Variants in C8orf34 observed in about 807,000 individuals in gnomAD.
C8orf34 encodes the protein uncharacterized protein C8orf34.
C8orf34 carries 65 observed loss-of-function variants against 68.3 expected under a neutral mutation model. The observed-to-expected ratio is 0.95, with a 90% CI of 0.78 to 1.17. C8orf34 has a LOEUF of 1.17. C8orf34 is among the 50% of genes most tolerant of loss of function. The pLI is 0.00. For synonymous variants in C8orf34, 244 were observed against 241.2 expected (o/e 1.01, Z -0.11); for missense variants, 664 against 655.4 (o/e 1.01, Z -0.14).
intron 8 of C8orf34, among the ~76,000 whole-genome samples, chr8:68,674,614 A>G (rs978788919): frequency 1.3e-5 from 2 of 152,134 alleles, no homozygotes; most frequent in Admixed American, 1.3e-4. Context: ...GAGGAGATGA[A>G]AGAAAAAAAA....
chr8:68,576,484 T>C (rs1011712038), intron 7 of C8orf34, among the ~76,000 whole-genome samples: 4 of 151,688 alleles, frequency 2.6e-5, no homozygotes. Flanking sequence ...GCGCCAGTTC[T>C]TAGTTACTTT....
intron 12 of C8orf34, among the ~76,000 whole-genome samples, chr8:68,794,818 T>C (rs1306010838): frequency 6.6e-6 from 1 of 152,032 alleles, no homozygotes; most frequent in African/African-American, 2.4e-5. Context: ...TACATACCAG[T>C]TGAGGACCCA....
At chr8:68,701,398 A>G (rs544284739) in intron 8 of C8orf34, among the ~76,000 whole-genome samples, 73 of 152,268 alleles carry the variant, frequency 4.8e-4, no homozygotes, top group African/African-American at 1.7e-3. Context: ...AATGCATTTT[A>G]AACTTACCAT....
At chr8:68,723,613 G>C (rs1821745880) in intron 10 of C8orf34, among the ~76,000 whole-genome samples, 1 of 151,870 alleles carries the variant, frequency 6.6e-6, no homozygotes. Context: ...ATGTTATGTT[G>C]TCCTTCAGGT....
intron 10 of C8orf34, among the ~76,000 whole-genome samples, chr8:68,765,840 G>A (rs1235788071): frequency 6.6e-6 from 1 of 152,102 alleles, no homozygotes; most frequent in African/African-American, 2.4e-5. Context: ...ATATGTTAAG[G>A]ATTAAAAATA....
At chr8:68,505,611 G>C (rs1813979111) in intron 5 of C8orf34, among the ~76,000 whole-genome samples, 1 of 132,944 alleles carries the variant, frequency 7.5e-6, no homozygotes, top group East Asian at 2.1e-4. Flanking sequence ...GGCGCCTGTA[G>C]TCCCAGCTAC....
chr8:68,395,369 A>T (rs1477974650), intron 1 of C8orf34, among the ~76,000 whole-genome samples: 296 of 26,820 alleles, frequency 0.011, no homozygotes, highest in Middle Eastern at 0.05. Flanking sequence ...TCTCACACAC[A>T]CACACACACA....
chr8:68,620,812 A>G (rs1818368001), intron 7 of C8orf34, among the ~76,000 whole-genome samples: 1 of 152,074 alleles, frequency 6.6e-6, no homozygotes, highest in Admixed American at 6.6e-5. Context: ...TTACCCAATA[A>G]GATGGAGGTT....
At chr8:68,381,738 CAA>C (rs769290635) in intron 1 of C8orf34, among the ~76,000 whole-genome samples, 10 of 72,070 alleles carry the variant, frequency 1.4e-4, no homozygotes, top group African/African-American at 4.9e-4. Flanking sequence ...GACTCCGTCT[CAA>C]AAAAAAAAAA....
Position 68,641,758 on chromosome 8 carries a change from T to C in C8orf34, c.1241+1247T>C, listed in dbSNP as rs1378501790. Among the ~76,000 whole-genome samples the C allele has an allele frequency of 3.9e-5, 6 of 152,306 alleles. 1 individual carries two copies. Among genetic ancestry groups the C allele is most frequent in the East Asian group, 1.9e-4 (1 of 5,182 alleles). On this transcript the variant is annotated intron_variant, in intron 8 of 13. Coordinates refer to ENST00000518698, the MANE Select transcript of C8orf34 (RefSeq NM_052958.4). ...TTATAAAAAATGTTTTTCTAATCTA[T>C]TGAGGATTTGAACTGTGAAAGGACC...
At chr8:68,718,888 A>G (rs895521982) in intron 9 of C8orf34, among the ~76,000 whole-genome samples, 4 of 152,180 alleles carry the variant, frequency 2.6e-5, no homozygotes, top group Admixed American at 6.5e-5. Flanking sequence ...TCCATGCTTC[A>G]GTTTCTTCTT....
intron 6 of C8orf34, among the ~76,000 whole-genome samples, chr8:68,531,052 A>G (rs998226565): frequency 4.6e-5 from 7 of 152,226 alleles, no homozygotes; most frequent in Middle Eastern, 3.4e-3. Context: ...TATATCTATC[A>G]TATTATCATA....
chr8:68,645,559 T>A (rs1481602858), intron 8 of C8orf34, among the ~76,000 whole-genome samples: 4 of 152,154 alleles, frequency 2.6e-5, no homozygotes, highest in Admixed American at 2.6e-4. Flanking sequence ...TTTTTGTTTG[T>A]TTGTTTCTCG....
intron 8 of C8orf34, among the ~76,000 whole-genome samples, chr8:68,686,031 C>A (rs1030370399): frequency 6.6e-6 from 1 of 151,870 alleles, no homozygotes; most frequent in Non-Finnish European, 1.5e-5. Context: ...ACTAGACAAT[C>A]CAGAGGAAAT....
intron 8 of C8orf34, among the ~76,000 whole-genome samples, chr8:68,664,588 G>A (rs776897327): frequency 1.3e-5 from 2 of 152,200 alleles, no homozygotes; most frequent in Non-Finnish European, 2.9e-5. Context: ...GTTAATGTAA[G>A]TGTTCTGAAT....
intron 7 of C8orf34, among the ~76,000 whole-genome samples, chr8:68,599,398 A>T (rs1817633821): frequency 1.3e-5 from 2 of 152,066 alleles, no homozygotes; most frequent in Admixed American, 6.6e-5. Context: ...TCTTAGCCGA[A>T]AGTAATCTTA....
At chr8:68,421,457 C>T (rs764557903) in intron 1 of C8orf34, among the ~76,000 whole-genome samples, 4 of 152,190 alleles carry the variant, frequency 2.6e-5, no homozygotes, top group Non-Finnish European at 4.4e-5. Context: ...GACCAGGAAA[C>T]CCTAGAAAAA....
At chr8:68,757,605 A>G (rs1822902678) in intron 10 of C8orf34, among the ~76,000 whole-genome samples, 1 of 152,172 alleles carries the variant, frequency 6.6e-6, no homozygotes, top group Admixed American at 6.5e-5. Context: ...TGGGCAATAG[A>G]GTGAGACTCC....
intron 8 of C8orf34, among the ~76,000 whole-genome samples, chr8:68,651,459 C>T (rs1585675120): frequency 6.6e-6 from 1 of 152,116 alleles, no homozygotes; most frequent in East Asian, 1.9e-4. Context: ...GATTTTTGGA[C>T]GTTCGAGAAT....
Sources: gnomAD v4.1 joint callset for allele counts (sites outside exome capture counted in the v4.1 genomes callset) on GRCh38, gnomAD v4.1.1 for gene constraint, MANE v1.5 for transcripts, NCBI Gene and HGNC (gene_info 2026-07-23, HGNC 2026-07-21) for gene names.